Variants in OR5AS1 observed in about 807,000 individuals in gnomAD.
OR5AS1 encodes olfactory receptor 5AS1.
For missense variants in OR5AS1, 492 were observed against 378.2 expected (o/e 1.30, Z -2.50); for synonymous variants, 196 against 141.7 (o/e 1.38, Z -2.72).
At position 56,037,719 on chromosome 11, in the gene OR5AS1, G is replaced by T. The variant is rs369187261; in HGVS notation, c.*6326G>T. 6.7e-6 allele frequency: 1 copy of T among 149,950 alleles called. No homozygotes were observed. The highest frequency in any genetic ancestry group is 1.5e-5 in the Non-Finnish European group (1 of 67,788). 9.3% of individuals were successfully genotyped at this position (149,950 alleles called of 1,614,324 possible). A position where few individuals can be genotyped will look rare whatever the true frequency, so the allele number is the denominator to read the frequency against. Reference sequence around the variant, plus strand: ...AATTTTTAGATTCAATACTATCCCCGTCAAGCTATCATTGAATTTCTTCAC... The same window carrying T: ...AATTTTTAGATTCAATACTATCCCCTTCAAGCTATCATTGAATTTCTTCAC... On this transcript the variant is annotated 3_prime_UTR_variant, in exon 2 of 2. Coordinates refer to ENST00000641320, the MANE Select transcript of OR5AS1 (RefSeq NM_001001921.2).
intron 1 of OR5AS1, among the ~76,000 whole-genome samples, chr11:56,030,116 C>G (rs564020255): frequency 6.6e-6 from 1 of 152,092 alleles, no homozygotes; most frequent in Non-Finnish European, 1.5e-5. Context: ...TCCCTTTCAG[C>G]TTGTAAAAAC....
In OR5AS1 at chr11:56,029,131, A is replaced by C. The variant is rs548336731; in HGVS notation, c.-28-1260A>C. On this transcript the variant is annotated intron_variant, in intron 1 of 1. Transcript: ENST00000641320. The stretch of plus-strand genomic sequence containing the variant: ...AGAAGATTCCTTGCCATTTGGCTGG[A>C]GAAAGGAGGTTCTGAGGTTATCAGG... 1.4e-4 allele frequency among the ~76,000 whole-genome samples: 22 copies of C among 152,160 alleles called. No homozygotes were observed. The South Asian group carries it at 4.6e-3, about 32-fold the overall frequency.
At position 56,030,857 on chromosome 11, in the gene OR5AS1, T is replaced by C. The variant is rs747941722; in HGVS notation, c.439T>C (p.Leu147=). The C allele has an allele frequency of 1.9e-6, 3 of 1,614,108 alleles. No homozygotes were observed. The highest frequency in any genetic ancestry group is 3.3e-5 in the Admixed American group (2 of 60,022). The change falls in exon 2 of 2, where the codon TTG becomes CTG. Residue 147 remains leucine (L), a synonymous_variant. Coordinates refer to ENST00000641320, the MANE Select transcript of OR5AS1 (RefSeq NM_001001921.2). Reference sequence around the variant, plus strand: ...GAGAGTCTGTGTCTGCTTCATTGTGTTGGCATATTTCAGTGGAAGTACAAC... The same window carrying C: ...GAGAGTCTGTGTCTGCTTCATTGTGCTGGCATATTTCAGTGGAAGTACAAC... ...SRRVCVCFIV[L]AYFSGSTTSL...
chr11:56,028,458 G>T (rs1393121065), intron 1 of OR5AS1, among the ~76,000 whole-genome samples: 1 of 152,066 alleles, frequency 6.6e-6, no homozygotes, highest in African/African-American at 2.4e-5. Context: ...AGTGAAATCA[G>T]TACTAATATT....
At position 56,037,807 on chromosome 11, in the gene OR5AS1, G is replaced by A. The variant is rs1853424159; in HGVS notation, c.*6414G>A. On this transcript the variant is annotated 3_prime_UTR_variant, in exon 2 of 2. Transcript: ENST00000641320. The stretch of plus-strand genomic sequence containing the variant: ...GTGGAACCAGAAAACAGCCCATGTA[G>A]CCCAGGCAATCCTAAGCAAAAAGAA... 1 of 150,952 alleles carries A rather than the reference G, an allele frequency of 6.6e-6. No homozygotes were observed. The highest frequency in any genetic ancestry group is 1.5e-5 in the Non-Finnish European group (1 of 67,836). 9.4% of individuals were successfully genotyped at this position (150,952 alleles called of 1,614,324 possible). A position where few individuals can be genotyped will look rare whatever the true frequency, so the allele number is the denominator to read the frequency against.
In OR5AS1 at chr11:56,034,887, A is replaced by T. The variant is rs1853388832; in HGVS notation, c.*3494A>T. 1 of 152,152 alleles carries T rather than the reference A, an allele frequency of 6.6e-6. No individual in the cohort carries two copies. The highest frequency in any genetic ancestry group is 1.9e-4 in the East Asian group (1 of 5,198). 9.4% of individuals were successfully genotyped at this position (152,152 alleles called of 1,614,324 possible). A position where few individuals can be genotyped will look rare whatever the true frequency, so the allele number is the denominator to read the frequency against. On this transcript the variant is annotated 3_prime_UTR_variant, in exon 2 of 2. Coordinates refer to ENST00000641320, the MANE Select transcript of OR5AS1 (RefSeq NM_001001921.2). ...GCCAGAGAGAAAGCTCACATTACCC[A>T]CAAAGGGAAGCCCATCAGACTAACA...
At position 56,037,062 on chromosome 11, in the gene OR5AS1, ACAC is replaced by A. The variant is rs1259559728; in HGVS notation, c.*5671_*5673del. 6.6e-6 allele frequency: 1 copy of A among 152,076 alleles called. No individual in the cohort carries two copies. The highest frequency in any genetic ancestry group is 1.5e-5 in the Non-Finnish European group (1 of 68,022). The allele number at this position is 152,076 out of a possible 1,614,324, so 9.4% of individuals were successfully genotyped here. On this transcript the variant is annotated 3_prime_UTR_variant, in exon 2 of 2. Transcript: ENST00000641320. The stretch of plus-strand genomic sequence containing the variant: ...CCGAAAAGGCCTTTGATAAAATTCA[ACAC>A]CCTTCGTGCTAAAAACTCTCAATAA...
At chr11:56,030,150 C>T (rs778085935) in intron 1 of OR5AS1, among the ~76,000 whole-genome samples, 3 of 152,058 alleles carry the variant, frequency 2.0e-5, no homozygotes, top group Non-Finnish European at 4.4e-5. Context: ...TAAAGTGCAG[C>T]GCGTTTAAAG....
rs137925778 is a variant in OR5AS1, at chr11:56,029,646, C to CA, written c.-28-737dup. ...ATCTGGATATTTCATGGTGTTCAGA[C>CA]AAAAAAAACCCCAAAACAATCAAAA... is the stretch of plus-strand genomic sequence containing the variant. On this transcript the variant is annotated intron_variant, in intron 1 of 1. Transcript: ENST00000641320. 4.3e-3 allele frequency among the ~76,000 whole-genome samples: 649 copies of CA among 150,974 alleles called. 2 individuals are homozygous for CA. The highest frequency in any genetic ancestry group is 7.0e-3 in the Non-Finnish European group (475 of 67,668).
At position 56,036,347 on chromosome 11, in the gene OR5AS1, G is replaced by GT. The variant is rs1170083033; in HGVS notation, c.*4959dup. The GT allele has an allele frequency of 6.6e-6, 1 of 152,064 alleles. No individual in the cohort carries two copies. The highest frequency in any genetic ancestry group is 1.5e-5 in the Non-Finnish European group (1 of 67,994). 9.4% of individuals were successfully genotyped at this position (152,064 alleles called of 1,614,324 possible). A position where few individuals can be genotyped will look rare whatever the true frequency, so the allele number is the denominator to read the frequency against. On this transcript the variant is annotated 3_prime_UTR_variant, in exon 2 of 2. Transcript: ENST00000641320. ...AAAAAATCAATGAATCCAGGAGTTG[G>GT]TTTTTGGAAAAGATCAACAAAATAG... is the stretch of plus-strand genomic sequence containing the variant.
In OR5AS1 at chr11:56,030,993, C is replaced by G; in HGVS notation, c.575C>G (p.Thr192Ser). The change falls in exon 2 of 2, where the codon ACT becomes AGT. Residue 192 changes from threonine to serine, a missense_variant. By Grantham distance (58) the Thr-to-Ser change is moderately conservative. Transcript: ENST00000641320. ...CTTCTGGCTTTATCATGTACAGACA[C>G]TCAGATCAACCAGCTTCTGCTCTTT... The part of the protein sequence containing the change: ...PPLLALSCTD[T>S]QINQLLLFAL... The G allele has an allele frequency of 6.2e-7, 1 of 1,614,168 alleles. No individual in the cohort carries two copies. The highest frequency in any genetic ancestry group is 8.5e-7 in the Non-Finnish European group (1 of 1,180,022).
In OR5AS1 at chr11:56,038,043, G is replaced by T. The variant is rs1422698394; in HGVS notation, c.*6650G>T. 1 of 152,100 alleles carries T rather than the reference G, an allele frequency of 6.6e-6. No homozygotes were observed. 9.4% of individuals were successfully genotyped at this position (152,100 alleles called of 1,614,324 possible). ...GAAAGGATTCCCTATTTAATAAATG[G>T]TGTTGGGAAAACTGGCTAGCCATAT... On this transcript the variant is annotated 3_prime_UTR_variant, in exon 2 of 2. Coordinates refer to ENST00000641320, the MANE Select transcript of OR5AS1 (RefSeq NM_001001921.2).
Position 56,031,535 on chromosome 11 carries a change from G to A in OR5AS1, c.*142G>A, listed in dbSNP as rs1025111615. ...ATGCTTCATCCTCTCTTCCAAAAAT[G>A]TTCTCTCCACAATTCTACTCTATAA... is the stretch of plus-strand genomic sequence containing the variant. On this transcript the variant is annotated 3_prime_UTR_variant, in exon 2 of 2. Transcript: ENST00000641320. The A allele has an allele frequency of 1.7e-6, 1 of 604,004 alleles. No homozygotes were observed. The highest frequency in any genetic ancestry group is 2.8e-6 in the Non-Finnish European group (1 of 351,214). The allele number at this position is 604,004 out of a possible 1,614,324, so 37.4% of individuals were successfully genotyped here.
chr11:56,030,993 C>T lies in OR5AS1; in HGVS notation c.575C>T (p.Thr192Ile). Reference sequence around the variant, plus strand: ...CTTCTGGCTTTATCATGTACAGACACTCAGATCAACCAGCTTCTGCTCTTT... The same window carrying T: ...CTTCTGGCTTTATCATGTACAGACATTCAGATCAACCAGCTTCTGCTCTTT... Reference protein sequence around the residue: ...PPLLALSCTDTQINQLLLFAL... With the variant: ...PPLLALSCTDIQINQLLLFAL... The change falls in exon 2 of 2, where the codon ACT becomes ATT. Residue 192 changes from threonine (T) to isoleucine (I), a missense_variant. By Grantham distance (89) the Thr-to-Ile change is moderately conservative. Transcript: ENST00000641320. The T allele has an allele frequency of 1.2e-6, 2 of 1,614,168 alleles. No individual in the cohort carries two copies. Among genetic ancestry groups the T allele is most frequent in the Non-Finnish European group, 1.7e-6 (2 of 1,180,022 alleles).
Position 56,037,289 on chromosome 11 carries a change from A to G in OR5AS1, c.*5896A>G, listed in dbSNP as rs1207158910. ...GCAATCAGGCAAGATAAAGAAATAA[A>G]GGATATTCAAATAGGAAAAGAGGAA... On this transcript the variant is annotated 3_prime_UTR_variant, in exon 2 of 2. Coordinates refer to ENST00000641320, the MANE Select transcript of OR5AS1 (RefSeq NM_001001921.2). 4 of 152,126 alleles carry G rather than the reference A, an allele frequency of 2.6e-5. No individual in the cohort carries two copies. The highest frequency in any genetic ancestry group is 4.4e-5 in the Non-Finnish European group (3 of 68,038). 9.4% of individuals were successfully genotyped at this position (152,126 alleles called of 1,614,324 possible).
chr11:56,037,442 A>T lies in OR5AS1; in HGVS notation c.*6049A>T, dbSNP rs1853418520. The T allele has an allele frequency of 6.6e-6, 1 of 152,158 alleles. No homozygotes were observed. The highest frequency in any genetic ancestry group is 2.4e-5 in the African/African-American group (1 of 41,390). 9.4% of individuals were successfully genotyped at this position (152,158 alleles called of 1,614,324 possible). A position where few individuals can be genotyped will look rare whatever the true frequency, so the allele number is the denominator to read the frequency against. Reference sequence around the variant, plus strand: ...TCAGGATACAAAATCAATGTGCAAAAATCACAAGCATTCCTATACACCAAT... The same window carrying T: ...TCAGGATACAAAATCAATGTGCAAATATCACAAGCATTCCTATACACCAAT... On this transcript the variant is annotated 3_prime_UTR_variant, in exon 2 of 2. Transcript: ENST00000641320.
rs950742557 is a variant in OR5AS1 at position 56,036,703 on chromosome 11, T to C, written c.*5310T>C. 6.6e-6 allele frequency: 1 copy of C among 152,058 alleles called. No individual in the cohort carries two copies. Among genetic ancestry groups the C allele is most frequent in the Non-Finnish European group, 1.5e-5 (1 of 68,026 alleles). 9.4% of individuals were successfully genotyped at this position (152,058 alleles called of 1,614,324 possible). On this transcript the variant is annotated 3_prime_UTR_variant, in exon 2 of 2. Coordinates refer to ENST00000641320, the MANE Select transcript of OR5AS1 (RefSeq NM_001001921.2). ...TTCTACCAGACATACAAAGAGGAGC[T>C]GGTACTATTCCTTCTGAAACTATTC...
chr11:56,030,084 C>T (rs1446962121), intron 1 of OR5AS1, among the ~76,000 whole-genome samples: 1 of 152,112 alleles, frequency 6.6e-6, no homozygotes, highest in Non-Finnish European at 1.5e-5. Context: ...TCTACTAGGT[C>T]TCATTACATG....
rs910281984 is a variant in OR5AS1, at chr11:56,031,177, A to G, written c.759A>G (p.Gly253=). ...SHLIAVTLFY[G]ALLFMYLQPT... is the part of the protein sequence containing the mutation. The stretch of plus-strand genomic sequence containing the variant: ...TCATAGCAGTCACCTTATTCTATGG[A>G]GCGCTCCTGTTTATGTACTTACAGC... The change falls in exon 2 of 2, where the codon GGA becomes GGG. Residue 253 remains glycine, a synonymous_variant. Coordinates refer to ENST00000641320, the MANE Select transcript of OR5AS1 (RefSeq NM_001001921.2). The G allele has an allele frequency of 1.2e-6, 2 of 1,613,938 alleles. No homozygotes were observed. The highest frequency in any genetic ancestry group is 2.2e-5 in the South Asian group (2 of 91,080).
Sources: gnomAD v4.1 joint callset for allele counts (sites outside exome capture counted in the v4.1 genomes callset) on GRCh38, gnomAD v4.1.1 for gene constraint, MANE v1.5 for transcripts, NCBI Gene and HGNC (gene_info 2026-07-23, HGNC 2026-07-21) for gene names.